MTMR6: variants seen among roughly 807,000 people sequenced by gnomAD.
MTMR6 encodes phosphatidylinositol-3,5-bisphosphate 3-phosphatase MTMR6.
In MTMR6, 47 loss-of-function variants were observed where a neutral mutation model predicts 80.1. The observed-to-expected ratio is 0.59, with a 90% CI of 0.46 to 0.75. The LOEUF (loss-of-function observed/expected upper bound fraction) is 0.75, where lower values mean the gene tolerates loss of function less well. Ranked by LOEUF, MTMR6 falls within the 30% of genes least tolerant of loss-of-function variation. The probability of loss-of-function intolerance (pLI) is 0.00; values close to 1 mark genes in which losing one functional copy is unlikely to be tolerated. For missense variants in MTMR6, 629 were observed against 730.9 expected, an observed-to-expected ratio of 0.86 and a Z score of 1.61; for synonymous variants, 254 against 253.0, an observed-to-expected ratio of 1.00 and a Z score of -0.04.
Position 25,249,484 on chromosome 13 carries a change from T to C in MTMR6, c.1614A>G (p.Lys538=). The C allele has an allele frequency of 6.2e-7, 1 of 1,611,022 alleles. No homozygotes were observed. The highest frequency in any genetic ancestry group is 2.2e-5 in the East Asian group (1 of 44,812). The change falls in exon 14 of 14, where the codon AAA becomes AAG. Residue 538 remains lysine, a synonymous_variant. Transcript: ENST00000381801. The part of the protein sequence containing the change: ...KDIKDLESKI[K]QRKNKQTDGI... ...CATCTGTTTGCTTATTTTTGCGTTG[T>C]TTAATTTTCTAGAACAAACACAAAT...
intron 5 of MTMR6, among the ~76,000 whole-genome samples, chr13:25,263,485 G>A (rs1421889342): frequency 2.6e-5 from 4 of 152,188 alleles, no homozygotes; most frequent in Non-Finnish European, 5.9e-5. Flanking sequence ...AACAAAATGT[G>A]AAATCCTGAC....
At position 25,287,314 on chromosome 13, in the gene MTMR6, G is replaced by T; in HGVS notation, c.-67C>A. On this transcript the variant is annotated 5_prime_UTR_variant, in exon 1 of 14. Coordinates refer to ENST00000381801, the MANE Select transcript of MTMR6 (RefSeq NM_004685.5). The stretch of plus-strand genomic sequence containing the variant: ...CATACGGCTACAGAAACAGGGCGGT[G>T]ACAGCGACAGAGAGCAAGCGGGAAC... The T allele has an allele frequency of 6.5e-7, 1 of 1,543,782 alleles. No homozygotes were observed. Among genetic ancestry groups the T allele is most frequent in the Non-Finnish European group, 8.7e-7 (1 of 1,146,438 alleles).
intron 10 of MTMR6, 69 bp from the exon 11 acceptor site, chr13:25,254,033 C>G: frequency 6.9e-7 from 1 of 1,443,234 alleles, no homozygotes; most frequent in Non-Finnish European, 9.5e-7. Context: ...TATTGTTAAT[C>G]TTAAACATAC....
intron 6 of MTMR6, among the ~76,000 whole-genome samples, 165 bp downstream of exon 6, chr13:25,261,503 T>C (rs1449225970): frequency 6.6e-6 from 1 of 152,042 alleles, no homozygotes; most frequent in Non-Finnish European, 1.5e-5. Flanking sequence ...GTTTTCTAAA[T>C]TGGTATCCTT....
chr13:25,258,463 T>C (rs1957262615), intron 7 of MTMR6, 97 bp downstream of exon 7: 1 of 1,029,732 alleles, frequency 9.7e-7, no homozygotes, highest in Non-Finnish European at 1.4e-6. Context: ...TTCTTTTTAC[T>C]TTTTAAAATG....
rs4296130 is a variant in MTMR6, at chr13:25,249,087, T to A, written c.*145A>T. ...AAATGACTTATTTCTCTCACAAGGG[T>A]AGTTATTATCCTTCCTTCAACTATT... On this transcript the variant is annotated 3_prime_UTR_variant, in exon 14 of 14. Transcript: ENST00000381801. The A allele has an allele frequency of 2.0e-5, 15 of 737,854 alleles. No individual in the cohort carries two copies. Among genetic ancestry groups the A allele is most frequent in the African/African-American group, 3.5e-5 (2 of 56,644 alleles). The allele number at this position is 737,854 out of a possible 1,614,324, so 45.7% of individuals were successfully genotyped here. A position where few individuals can be genotyped will look rare whatever the true frequency, so the allele number is the denominator to read the frequency against.
intron 5 of MTMR6, among the ~76,000 whole-genome samples, chr13:25,262,678 A>G (rs1212698379): frequency 1.3e-5 from 2 of 152,198 alleles, no homozygotes; most frequent in African/African-American, 4.8e-5. Flanking sequence ...ACTATTGTTT[A>G]AAGTCCTAAA....
At chr13:25,281,830 T>A (rs1223830232) in intron 1 of MTMR6, among the ~76,000 whole-genome samples, 2 of 152,200 alleles carry the variant, frequency 1.3e-5, no homozygotes, top group Non-Finnish European at 2.9e-5. Flanking sequence ...TGTATCCCAA[T>A]TTCTAGAACA....
Position 25,266,248 on chromosome 13 carries a change from T to C in MTMR6, c.343A>G (p.Lys115Glu), listed in dbSNP as rs765308332. The C allele has an allele frequency of 2.5e-6, 4 of 1,613,478 alleles. No individual in the cohort carries two copies. Among genetic ancestry groups the C allele is most frequent in the Non-Finnish European group, 3.4e-6 (4 of 1,179,404 alleles). The change falls in exon 4 of 14, where the codon AAA becomes GAA. Residue 115 changes from lysine (K) to glutamate (E), a missense_variant. Lys to Glu is a moderately conservative substitution (Grantham distance 56). Coordinates refer to ENST00000381801, the MANE Select transcript of MTMR6 (RefSeq NM_004685.5). ...EDLYAFSYNP[K>E]QNDSERLQGW... is the part of the protein sequence containing the mutation. ...TGTAGTCGTTCTGAATCATTTTGTT[T>C]GGGATTATAAGAAAATGCATAGAGA... is the stretch of plus-strand genomic sequence containing the variant.
At chr13:25,262,521 C>T (rs765597574) in intron 5 of MTMR6, among the ~76,000 whole-genome samples, 5 of 152,106 alleles carry the variant, frequency 3.3e-5, no homozygotes, top group Non-Finnish European at 5.9e-5. Context: ...GAACACACCA[C>T]CACGCCTGAC....
In MTMR6 at chr13:25,253,858, T is replaced by A; in HGVS notation, c.1252A>T (p.Ser418Cys). 3.1e-6 allele frequency: 5 copies of A among 1,614,150 alleles called. No homozygotes were observed. Among genetic ancestry groups the A allele is most frequent in the Non-Finnish European group, 4.2e-6 (5 of 1,180,010 alleles). The change falls in exon 11 of 14, where the codon AGT becomes TGT. Residue 418 changes from serine (S) to cysteine (C), a missense_variant. Transcript: ENST00000381801. ...TGGATCTGAAGAAGAAATGCTTCAC[T>A]GAATTCAAAGGCTTGTGGAAACTGT... is the stretch of plus-strand genomic sequence containing the variant. ...TEQFPQAFEF[S>C]EAFLLQIHEH...
intron 10 of MTMR6, 84 bp downstream of exon 10, chr13:25,254,301 G>T: frequency 2.0e-6 from 2 of 978,226 alleles, no homozygotes; most frequent in Non-Finnish European, 3.3e-6. Context: ...ACGCATGTGA[G>T]TTCATAAGGA....
intron 1 of MTMR6, among the ~76,000 whole-genome samples, chr13:25,284,978 C>T (rs971480140): frequency 1.3e-5 from 2 of 152,088 alleles, no homozygotes; most frequent in African/African-American, 4.8e-5. Flanking sequence ...AAAAACAACC[C>T]AAAGTAATAA....
intron 2 of MTMR6, among the ~76,000 whole-genome samples, chr13:25,270,433 T>C (rs1465568227): frequency 6.6e-6 from 1 of 151,614 alleles, no homozygotes; most frequent in Non-Finnish European, 1.5e-5. Flanking sequence ...AATAGGAGAG[T>C]AGAGAATAAC....
At position 25,267,940 on chromosome 13, in the gene MTMR6, A is replaced by G; in HGVS notation, c.143T>C (p.Ile48Thr). The change falls in exon 3 of 14, where the codon ATA becomes ACA. Residue 48 changes from isoleucine (I) to threonine (T), a missense_variant and splice_region_variant. Ile to Thr is a moderately conservative substitution (Grantham distance 89). Transcript: ENST00000381801. Reference protein sequence around the residue: ...FIDSHQKETWILHHHIASVEK... With the variant: ...FIDSHQKETWTLHHHIASVEK... ...TACTGAGGCAATATGGTGGTGTAAT[A>G]TCTACAGCATGAAAAAACATCCAGG... 1 of 1,590,224 alleles carries G rather than the reference A, an allele frequency of 6.3e-7. No individual in the cohort carries two copies. Among genetic ancestry groups the G allele is most frequent in the Non-Finnish European group, 8.6e-7 (1 of 1,169,354 alleles).
At chr13:25,286,729 A>G (rs1448077438) in intron 1 of MTMR6, among the ~76,000 whole-genome samples, 2 of 152,246 alleles carry the variant, frequency 1.3e-5, no homozygotes, top group African/African-American at 4.8e-5. Context: ...CTGGAGACCG[A>G]GACAGCAAAG....
intron 3 of MTMR6, among the ~76,000 whole-genome samples, chr13:25,267,225 C>T (rs1023742106): frequency 3.1e-5 from 4 of 129,476 alleles, no homozygotes; most frequent in Admixed American, 9.6e-5. Context: ...CCAGTCTGGG[C>T]GAGAGAGTAA....
chr13:25,276,952 C>G (rs1341246590), intron 1 of MTMR6, among the ~76,000 whole-genome samples: 2 of 152,202 alleles, frequency 1.3e-5, no homozygotes, highest in African/African-American at 4.8e-5. Flanking sequence ...CAAAGTCATA[C>G]AGCTAGAAGC....
At chr13:25,261,440 A>C (rs1957339429) in intron 6 of MTMR6, among the ~76,000 whole-genome samples, 1 of 151,900 alleles carries the variant, frequency 6.6e-6, no homozygotes, top group African/African-American at 2.4e-5. Flanking sequence ...AGCTTTCCTG[A>C]ATTTATATAT....
Sources: gnomAD v4.1 joint callset for allele counts (sites outside exome capture counted in the v4.1 genomes callset) on GRCh38, gnomAD v4.1.1 for gene constraint, MANE v1.5 for transcripts, NCBI Gene and HGNC (gene_info 2026-07-23, HGNC 2026-07-21) for gene names.